Variants in CNTN6 observed in about 807,000 individuals in gnomAD.
CNTN6 encodes contactin-6.
In CNTN6, 137 loss-of-function variants were observed where a neutral mutation model predicts 122.8. That is an observed-to-expected ratio of 1.12 (90% CI 0.97 to 1.29). The LOEUF is 1.29. CNTN6 is among the 50% of genes most tolerant of loss of function. CNTN6 has a pLI of 0.00. For missense variants in CNTN6, 1,634 were observed against 1,223.4 expected (o/e 1.34, Z -5.01); for synonymous variants, 570 against 426.0 (o/e 1.34, Z -4.16).
At chr3:1,215,978 C>A (rs1156942557) in intron 2 of CNTN6, among the ~76,000 whole-genome samples, 1 of 151,994 alleles carries the variant, frequency 6.6e-6, no homozygotes, top group Non-Finnish European at 1.5e-5. Context: ...CCTAAGATTT[C>A]TTTTTCAATG....
intron 16 of CNTN6, among the ~76,000 whole-genome samples, chr3:1,375,989 A>G (rs1709802388): frequency 6.6e-6 from 1 of 152,060 alleles, no homozygotes; most frequent in Non-Finnish European, 1.5e-5. Context: ...ACATATTTTA[A>G]TCCCTGCCTA....
chr3:1,306,547 T>C (rs1221489687), intron 7 of CNTN6, among the ~76,000 whole-genome samples: 1 of 152,192 alleles, frequency 6.6e-6, no homozygotes, highest in African/African-American at 2.4e-5. Context: ...GTGTGGACTT[T>C]AAGTTCAAAT....
chr3:1,146,181 A>G (rs948025459), intron 1 of CNTN6, among the ~76,000 whole-genome samples: 3 of 152,154 alleles, frequency 2.0e-5, no homozygotes, highest in African/African-American at 7.2e-5. Context: ...TCTGCTCAAC[A>G]TTCTCAATTA....
intron 2 of CNTN6, among the ~76,000 whole-genome samples, chr3:1,176,161 T>C (rs960243468): frequency 2.6e-5 from 4 of 152,164 alleles, no homozygotes; most frequent in Non-Finnish European, 4.4e-5. Context: ...TATAACAAAA[T>C]ATAGTAGAAA....
At chr3:1,190,721 A>T (rs1466509449) in intron 2 of CNTN6, among the ~76,000 whole-genome samples, 2 of 152,162 alleles carry the variant, frequency 1.3e-5, no homozygotes, top group African/African-American at 4.8e-5. Flanking sequence ...GGATAATATG[A>T]ACTACCTATA....
chr3:1,278,843 A>G (rs1240181883), intron 5 of CNTN6, among the ~76,000 whole-genome samples: 45 of 152,144 alleles, frequency 3.0e-4, no homozygotes, highest in Non-Finnish European at 2.9e-5. Flanking sequence ...TATTTACCCC[A>G]CTTTGAGGCT....
intron 1 of CNTN6, among the ~76,000 whole-genome samples, chr3:1,137,595 T>C (rs928371411): frequency 1.3e-5 from 2 of 152,182 alleles, no homozygotes; most frequent in Admixed American, 1.3e-4. Context: ...GTCATTTATC[T>C]ATTCCTAGTC....
At chr3:1,388,243 G>C (rs576097395) in intron 20 of CNTN6, among the ~76,000 whole-genome samples, 1 of 149,198 alleles carries the variant, frequency 6.7e-6, no homozygotes, top group Non-Finnish European at 1.5e-5. Context: ...TCCTCAAGTG[G>C]GTCCCTGACC....
chr3:1,116,415 A>G (rs1376093369), intron 1 of CNTN6, among the ~76,000 whole-genome samples: 1 of 152,216 alleles, frequency 6.6e-6, no homozygotes, highest in African/African-American at 2.4e-5. Flanking sequence ...CCTCTTCTGT[A>G]GATGCCAAAA....
chr3:1,245,551 G>C (rs1185825938), intron 4 of CNTN6, among the ~76,000 whole-genome samples: 1 of 150,292 alleles, frequency 6.7e-6, no homozygotes, highest in African/African-American at 2.4e-5. Context: ...GTGGGGGTTG[G>C]TGAGGGATAA....
chr3:1,201,266 C>A (rs536208686), intron 2 of CNTN6, among the ~76,000 whole-genome samples: 1 of 152,252 alleles, frequency 6.6e-6, no homozygotes, highest in South Asian at 2.1e-4. Flanking sequence ...AGCCGCCATG[C>A]TCAGCCCCTA....
At chr3:1,354,926 C>A (rs1276275213) in intron 12 of CNTN6, among the ~76,000 whole-genome samples, 2 of 151,636 alleles carry the variant, frequency 1.3e-5, no homozygotes, top group Non-Finnish European at 3.0e-5. Context: ...TAAGGGGGTA[C>A]AAGCCTGAAC....
Position 1,297,954 on chromosome 3 carries a change from G to T in CNTN6, c.724G>T (p.Asp242Tyr), listed in dbSNP as rs369254276. Residue 242 changes from aspartate (D) to tyrosine (Y), a missense_variant, in exon 7 of 23, where the codon GAT becomes TAT. Coordinates refer to ENST00000446702, the MANE Select transcript of CNTN6 (RefSeq NM_001289080.2). ...RFPETIQAAK[D>Y]SSVKLECFAL... ...TCCTGAAACTATACAAGCTGCAAAG[G>T]ATTCATCTGTAAAACTGGAATGTTT... 4 of 1,612,294 alleles carry T rather than the reference G, an allele frequency of 2.5e-6. No individual in the cohort carries two copies. Among genetic ancestry groups the T allele is most frequent in the East Asian group, 2.2e-5 (1 of 44,792 alleles).
chr3:1,403,501 G>T lies in CNTN6; in HGVS notation c.*83G>T. The T allele has an allele frequency of 2.6e-6, 2 of 761,068 alleles. No homozygotes were observed. The highest frequency in any genetic ancestry group is 2.2e-6 in the Non-Finnish European group (1 of 458,020). 47.1% of individuals were successfully genotyped at this position (761,068 alleles called of 1,614,324 possible). A position where few individuals can be genotyped will look rare whatever the true frequency, so the allele number is the denominator to read the frequency against. On this transcript the variant is annotated 3_prime_UTR_variant, in exon 23 of 23. Coordinates refer to ENST00000446702, the MANE Select transcript of CNTN6 (RefSeq NM_001289080.2). ...CTCTCCAGCCTCTGACACAAGATGCGTTCTTAATACAGACTTGTTTGCAAA... is the reference window on the plus strand; with the variant it reads ...CTCTCCAGCCTCTGACACAAGATGCTTTCTTAATACAGACTTGTTTGCAAA...
At chr3:1,180,515 AG>A (rs2093534246) in intron 2 of CNTN6, among the ~76,000 whole-genome samples, 1 of 152,218 alleles carries the variant, frequency 6.6e-6, no homozygotes, top group Admixed American at 6.5e-5. Context: ...TTTAAAATCC[AG>A]GTTTACTAAA....
At chr3:1,296,599 A>G (rs1332789172) in intron 6 of CNTN6, among the ~76,000 whole-genome samples, 1 of 152,152 alleles carries the variant, frequency 6.6e-6, no homozygotes, top group Non-Finnish European at 1.5e-5. Context: ...CCCTCTGAAG[A>G]GTTGAAGAAA....
chr3:1,098,209 C>T (rs937729522), intron 1 of CNTN6, among the ~76,000 whole-genome samples: 10 of 151,386 alleles, frequency 6.6e-5, no homozygotes, highest in African/African-American at 2.4e-4. Flanking sequence ...ACATTGTGCA[C>T]ATGTACCCTA....
intron 4 of CNTN6, among the ~76,000 whole-genome samples, chr3:1,240,707 A>G (rs1195377024): frequency 9.2e-6 from 1 of 108,298 alleles, no homozygotes; most frequent in Non-Finnish European, 1.8e-5. Context: ...TTATTATACT[A>G]AAAAAAAAAA....
At position 1,373,663 on chromosome 3, in the gene CNTN6, C is replaced by T. The variant is rs768796678; in HGVS notation, c.1846C>T (p.Leu616=). Reference sequence around the variant, plus strand: ...AGACATTTCCAGTACTACTTCTCAACTAAGTTGGAGAGCAGGCCCAGATAA... The same window carrying T: ...AGACATTTCCAGTACTACTTCTCAATTAAGTTGGAGAGCAGGCCCAGATAA... The part of the protein sequence containing the change: ...VEDISSTTSQ[L]SWRAGPDNNS... Residue 616 remains leucine, a synonymous_variant, in exon 15 of 23, where the codon CTA becomes TTA. Transcript: ENST00000446702. 3 of 1,613,062 alleles carry T rather than the reference C, an allele frequency of 1.9e-6. No individual in the cohort carries two copies. In the South Asian group the frequency reaches 3.3e-5, roughly 18 times the overall value.
Sources: gnomAD v4.1 joint callset for allele counts (sites outside exome capture counted in the v4.1 genomes callset) on GRCh38, gnomAD v4.1.1 for gene constraint, MANE v1.5 for transcripts, NCBI Gene and HGNC (gene_info 2026-07-23, HGNC 2026-07-21) for gene names.